The following GALNT18 variants were observed in gnomAD, a reference collection of about 807,000 sequenced individuals.
GALNT18 encodes polypeptide N-acetylgalactosaminyltransferase 18, also known as GalNAc-transferase 18.
A neutral mutation model predicts 69.5 loss-of-function variants in GALNT18; 44 were observed. The observed-to-expected ratio is 0.63, with a 90% CI of 0.50 to 0.81. The LOEUF is 0.81. Among genes scored for constraint, GALNT18 ranks in the 40% least tolerant of loss-of-function variants. GALNT18 has a pLI of 0.00. For missense variants in GALNT18, 715 were observed against 810.0 expected (o/e 0.88, Z 1.42); for synonymous variants, 364 against 318.2 (o/e 1.14, Z -1.53).
rs1857878758 is a variant in GALNT18 at position 11,540,140 on chromosome 11, TA to T, written c.235+81218del. ...AAAAACTTAAGGCATTGGACTGGAT[TA>T]TTCTAAACATATTTTGTGGTTCTAA... On this transcript the variant is annotated intron_variant, in intron 1 of 10. Coordinates refer to ENST00000227756, the MANE Select transcript of GALNT18 (RefSeq NM_198516.3). This position sits in a 1 kb window ranked among gnomAD's most constrained non-coding sequence, Gnocchi z 4.6. Among the ~76,000 whole-genome samples the T allele has an allele frequency of 6.6e-6, 1 of 152,226 alleles. No individual in the cohort carries two copies. The highest frequency in any genetic ancestry group is 2.1e-4 in the South Asian group (1 of 4,826).
chr11:11,466,800 G>A (rs1358028058), intron 1 of GALNT18, among the ~76,000 whole-genome samples: 3 of 152,154 alleles, frequency 2.0e-5, no homozygotes, highest in Non-Finnish European at 4.4e-5. Flanking sequence ...GGTAAAGTTG[G>A]GGCAGGAATG....
chr11:11,411,390 C>T (rs1366651329), intron 3 of GALNT18, among the ~76,000 whole-genome samples: 1 of 152,192 alleles, frequency 6.6e-6, no homozygotes, highest in African/African-American at 2.4e-5. Flanking sequence ...TAAGCCCTTG[C>T]TTATTATAAG....
rs183887453 is a variant in GALNT18, at chr11:11,602,419, G to A, written c.235+18940C>T. Among the ~76,000 whole-genome samples the A allele has an allele frequency of 1.3e-5, 2 of 152,284 alleles. No individual in the cohort carries two copies. Among genetic ancestry groups the A allele is most frequent in the Admixed American group, 1.3e-4 (2 of 15,298 alleles). ...AAATCCTGGTGGCCTGGCCCTTCTGGGAGAGAAATATAGCCCTAGAGTGGA... is the reference window on the plus strand; with the variant it reads ...AAATCCTGGTGGCCTGGCCCTTCTGAGAGAGAAATATAGCCCTAGAGTGGA... On this transcript the variant is annotated intron_variant, in intron 1 of 10. Coordinates refer to ENST00000227756, the MANE Select transcript of GALNT18 (RefSeq NM_198516.3). This position sits in a 1 kb window ranked among gnomAD's most constrained non-coding sequence, Gnocchi z 4.7.
chr11:11,448,181 G>A (rs764761915), intron 2 of GALNT18, among the ~76,000 whole-genome samples: 2 of 151,188 alleles, frequency 1.3e-5, no homozygotes, highest in African/African-American at 2.4e-5. Context: ...GTAAAAATGA[G>A]GAGAAAAGGG....
rs921596823 is a variant in GALNT18 at position 11,284,958 on chromosome 11, C to T, written c.1677+8071G>A. ...CTACTTGGGCGTTCTCTTTCTTAGT[C>T]TCACCTTTGCCTGAGTGAGATTCTG... On this transcript the variant is annotated intron_variant, in intron 10 of 10. Coordinates refer to ENST00000227756, the MANE Select transcript of GALNT18 (RefSeq NM_198516.3). 5.2e-5 allele frequency among the ~76,000 whole-genome samples: 5 copies of T among 95,670 alleles called. No individual in the cohort carries two copies. The East Asian group carries it at 1.2e-3, about 22-fold the overall frequency. The allele number at this position is 95,670 out of a possible 152,430, so 62.8% of individuals were successfully genotyped here.
intron 3 of GALNT18, among the ~76,000 whole-genome samples, chr11:11,407,749 G>A (rs150843423): frequency 0.012 from 1,777 of 152,316 alleles, 17 homozygotes; most frequent in Non-Finnish European, 0.018. Flanking sequence ...AGAAGAGGGA[G>A]CATGGCCAAA....
At chr11:11,418,179 T>C (rs1854910138) in intron 3 of GALNT18, among the ~76,000 whole-genome samples, 1 of 152,180 alleles carries the variant, frequency 6.6e-6, no homozygotes, top group African/African-American at 2.4e-5. Flanking sequence ...CTCAGAGTCA[T>C]TCACTGAGCC....
intron 10 of GALNT18, among the ~76,000 whole-genome samples, chr11:11,275,795 T>C (rs951823176): frequency 2.0e-5 from 3 of 152,200 alleles, no homozygotes; most frequent in African/African-American, 4.8e-5. Context: ...AGGGAATCCT[T>C]TCCCCATTGC....
At position 11,563,632 on chromosome 11, in the gene GALNT18, T is replaced by A. The variant is rs958309213; in HGVS notation, c.235+57727A>T. Among the ~76,000 whole-genome samples the A allele has an allele frequency of 3.9e-5, 6 of 152,202 alleles. No individual in the cohort carries two copies. The highest frequency in any genetic ancestry group is 2.6e-4 in the Admixed American group (4 of 15,288). ...AGTGAGGAAACTAAGGCTCAAAGCC[T>A]AAGGCTAGCTTGTGGTTGCTGGTGG... On this transcript the variant is annotated intron_variant, in intron 1 of 10. Transcript: ENST00000227756. This position sits in a 1 kb window ranked among gnomAD's most constrained non-coding sequence, Gnocchi z 4.6.
Position 11,292,191 on chromosome 11 carries a change from C to T in GALNT18, c.1677+838G>A, listed in dbSNP as rs559303934. Among the ~76,000 whole-genome samples the T allele has an allele frequency of 9.9e-5, 15 of 152,272 alleles. No individual in the cohort carries two copies. The South Asian group carries it at 2.7e-3, about 27-fold the overall frequency. On this transcript the variant is annotated intron_variant, in intron 10 of 10. Transcript: ENST00000227756. ...TGAGGCTCCACAACCCCATGGGCTCCCTCACTTCCTGTTATTAACGCTTTA... is the reference window on the plus strand; with the variant it reads ...TGAGGCTCCACAACCCCATGGGCTCTCTCACTTCCTGTTATTAACGCTTTA...
Position 11,621,538 on chromosome 11 carries a change from C to A in GALNT18, c.56G>T (p.Gly19Val), listed in dbSNP as rs1860193644. 1.2e-6 allele frequency: 2 copies of A among 1,613,838 alleles called. No individual in the cohort carries two copies. The highest frequency in any genetic ancestry group is 1.7e-6 in the Non-Finnish European group (2 of 1,179,928). Residue 19 changes from glycine to valine, a missense_variant, in exon 1 of 11, where the codon GGC becomes GTC. By Grantham distance (109) the Gly-to-Val change is moderately radical (BLOSUM62 -3). Coordinates refer to ENST00000227756, the MANE Select transcript of GALNT18 (RefSeq NM_198516.3). The surrounding 1 kb of genome is among the most constrained non-coding windows in gnomAD (Gnocchi z 9.3). ...GAGCAGGCAGATGATGTTAGTCATGCCGCTCAGGATCACGCAAGTGGACAC... is the reference window on the plus strand; with the variant it reads ...GAGCAGGCAGATGATGTTAGTCATGACGCTCAGGATCACGCAAGTGGACAC... ...TLVSTCVILS[G>V]MTNIICLLYV...
At chr11:11,594,625 G>C (rs181193406) in intron 1 of GALNT18, among the ~76,000 whole-genome samples, 26 of 152,066 alleles carry the variant, frequency 1.7e-4, no homozygotes, top group African/African-American at 5.3e-4. Context: ...CCATGTTGTA[G>C]CATGTGCCAG....
intron 1 of GALNT18, among the ~76,000 whole-genome samples, chr11:11,498,184 T>C (rs549971328): frequency 4.6e-4 from 70 of 152,352 alleles, no homozygotes; most frequent in African/African-American, 1.6e-3. Flanking sequence ...TTGCTAGTAA[T>C]TGACTTTTAT....
intron 6 of GALNT18, chr11:11,352,928 T>A: frequency 2.5e-6 from 4 of 1,614,196 alleles, no homozygotes; most frequent in Non-Finnish European, 3.4e-6. Flanking sequence ...TAACAACAAC[T>A]TTTTCATTAT....
intron 1 of GALNT18, among the ~76,000 whole-genome samples, chr11:11,615,351 A>G (rs953755092): frequency 6.6e-6 from 1 of 152,236 alleles, no homozygotes; most frequent in African/African-American, 2.4e-5. Context: ...GTATACATTA[A>G]TATGCACATA....
At chr11:11,289,585 T>G (rs1849261001) in intron 10 of GALNT18, among the ~76,000 whole-genome samples, 1 of 152,146 alleles carries the variant, frequency 6.6e-6, no homozygotes, top group Non-Finnish European at 1.5e-5. Context: ...AGTGTTTCCT[T>G]CTCTGCCATA....
At position 11,600,052 on chromosome 11, in the gene GALNT18, C is replaced by T. The variant is rs1050629345; in HGVS notation, c.235+21307G>A. Among the ~76,000 whole-genome samples the T allele has an allele frequency of 5.3e-5, 8 of 151,912 alleles. No homozygotes were observed. Among genetic ancestry groups the T allele is most frequent in the Non-Finnish European group, 7.4e-5 (5 of 67,904 alleles). On this transcript the variant is annotated intron_variant, in intron 1 of 10. Transcript: ENST00000227756. This position sits in a 1 kb window ranked among gnomAD's most constrained non-coding sequence, Gnocchi z 4.8. ...ATTTAGTCCTATATAATTCTATTCC[C>T]TCCTCCATATTTTTGTGCTTCCTGT...
At chr11:11,342,338 C>G (rs1197050243) in intron 6 of GALNT18, among the ~76,000 whole-genome samples, 1 of 152,188 alleles carries the variant, frequency 6.6e-6, no homozygotes, top group Non-Finnish European at 1.5e-5. Flanking sequence ...GGAAAGTAAT[C>G]AAGATCTCCT....
At chr11:11,532,470 T>G (rs1339090297) in intron 1 of GALNT18, among the ~76,000 whole-genome samples, 1 of 152,180 alleles carries the variant, frequency 6.6e-6, no homozygotes, top group African/African-American at 2.4e-5. Context: ...GTGCTATTTC[T>G]CAGTCTCCCT....
Sources: gnomAD v4.1 joint callset for allele counts (sites outside exome capture counted in the v4.1 genomes callset) on GRCh38, gnomAD v4.1.1 for gene constraint, Gnocchi (gnomAD v3.1) non-coding constraint, MANE v1.5 for transcripts, NCBI Gene and HGNC (gene_info 2026-07-23, HGNC 2026-07-21) for gene names.